The following UBXN7 variants were observed in gnomAD, a reference collection of about 807,000 sequenced individuals.
The protein encoded by UBXN7 is UBX domain-containing protein 7.
Under a neutral mutation model 58.0 loss-of-function variants are expected in UBXN7, and 9 were observed. The ratio of observed to expected loss-of-function variants is 0.16; its 90% CI spans 0.09 to 0.27. UBXN7 has a LOEUF of 0.27. Ranked by LOEUF, UBXN7 falls within the 10% of genes least tolerant of loss-of-function variation. The probability of loss-of-function intolerance (pLI) is 1.00; values close to 1 mark genes in which losing one functional copy is unlikely to be tolerated. For missense variants in UBXN7, 328 were observed against 599.6 expected, an observed-to-expected ratio of 0.55 and a Z score of 4.73; for synonymous variants, 208 against 205.0, an observed-to-expected ratio of 1.01 and a Z score of -0.12.
At chr3:196,385,937 G>T (rs192264183) in intron 5 of UBXN7, among the ~76,000 whole-genome samples, 2 of 152,322 alleles carry the variant, frequency 1.3e-5, no homozygotes, top group South Asian at 2.1e-4. Flanking sequence ...CGAATAGAAG[G>T]GGGGGAAATG....
intron 8 of UBXN7, among the ~76,000 whole-genome samples, chr3:196,367,378 G>A (rs1376848735): frequency 2.6e-5 from 4 of 152,058 alleles, no homozygotes; most frequent in African/African-American, 9.7e-5. Flanking sequence ...AAGTATAGAA[G>A]TAAATTCTAG....
At chr3:196,356,924 T>C in intron 10 of UBXN7, 78 bp from the exon 11 acceptor site, 3 of 1,500,214 alleles carry the variant, frequency 2.0e-6, no homozygotes, top group Non-Finnish European at 2.7e-6. Context: ...ATAGAAAACA[T>C]TCTCTTTTTA....
chr3:196,432,026 TC>T, intron 1 of UBXN7: 1 of 537,262 alleles, frequency 1.9e-6, no homozygotes, highest in Non-Finnish European at 3.4e-6. Context: ...CGCCCCCGGG[TC>T]CCCGGGCCGG....
chr3:196,368,384 A>T (rs899335758), intron 7 of UBXN7, among the ~76,000 whole-genome samples: 4 of 152,134 alleles, frequency 2.6e-5, no homozygotes, highest in Non-Finnish European at 4.4e-5. Context: ...ATTAAAAACC[A>T]GGATCTATAA....
At chr3:196,406,187 C>G (rs1438831156) in intron 2 of UBXN7, among the ~76,000 whole-genome samples, 2 of 152,050 alleles carry the variant, frequency 1.3e-5, no homozygotes, top group Non-Finnish European at 2.9e-5. Context: ...CGCGTACCAC[C>G]ACACCCGGCT....
intron 1 of UBXN7, among the ~76,000 whole-genome samples, chr3:196,413,253 G>A (rs1222839342): frequency 1.3e-5 from 2 of 152,052 alleles, no homozygotes; most frequent in South Asian, 2.1e-4. Context: ...GAGGAGAACC[G>A]CTTGAACCCA....
intron 3 of UBXN7, among the ~76,000 whole-genome samples, chr3:196,399,514 G>A (rs988002408): frequency 6.6e-6 from 1 of 152,060 alleles, no homozygotes; most frequent in African/African-American, 2.4e-5. Flanking sequence ...ATAGTTCACT[G>A]CAGCCTAGAA....
Position 196,388,154 on chromosome 3 carries a change from G to A in UBXN7, c.468+3659C>T, listed in dbSNP as rs1305114218. Among the ~76,000 whole-genome samples, 3 of 151,954 alleles carry A rather than the reference G, an allele frequency of 2.0e-5. No individual in the cohort carries two copies. In the East Asian group the frequency reaches 5.8e-4, roughly 29 times the overall value. On this transcript the variant is annotated intron_variant, in intron 5 of 10. Transcript: ENST00000296328. ...TCATGTCCTTTGCAGGGACATGGAT[G>A]AAGCTGGAAACCATCATTCTCAGCC...
At chr3:196,400,620 G>A (rs944369801) in intron 3 of UBXN7, 1 of 221,276 alleles carries the variant, frequency 4.5e-6, no homozygotes, top group Non-Finnish European at 9.4e-6. Context: ...CAGGCGTGGT[G>A]GCATGCACCT....
chr3:196,367,709 C>T (rs1728708903), intron 8 of UBXN7, among the ~76,000 whole-genome samples: 1 of 152,188 alleles, frequency 6.6e-6, no homozygotes, highest in Non-Finnish European at 1.5e-5. Context: ...GACACCTTTA[C>T]CACTAGGCTT....
intron 1 of UBXN7, among the ~76,000 whole-genome samples, chr3:196,411,609 C>T (rs1051328425): frequency 1.3e-5 from 2 of 152,110 alleles, no homozygotes; most frequent in Non-Finnish European, 2.9e-5. Context: ...GTCAGGAGTT[C>T]GAGTCCACCT....
intron 5 of UBXN7, among the ~76,000 whole-genome samples, chr3:196,388,221 C>G (rs1396220756): frequency 6.7e-6 from 1 of 150,084 alleles, no homozygotes. Context: ...CATGATCTCA[C>G]TCACAGGTGG....
At chr3:196,432,035 C>T in intron 1 of UBXN7, 1 of 552,892 alleles carries the variant, frequency 1.8e-6, no homozygotes, top group Non-Finnish European at 3.3e-6. Flanking sequence ...GTCCCCGGGC[C>T]GGCGGGGGCG....
intron 8 of UBXN7, among the ~76,000 whole-genome samples, chr3:196,363,713 G>A (rs1410493354): frequency 6.6e-6 from 1 of 152,162 alleles, no homozygotes. Context: ...CAGATCACCT[G>A]AGGTCAGGAG....
At position 196,362,391 on chromosome 3, in the gene UBXN7, T is replaced by C; in HGVS notation, c.1131A>G (p.Thr377=). The change falls in exon 9 of 11, where the codon ACA becomes ACG. Residue 377 remains threonine (T), a synonymous_variant. Transcript: ENST00000296328. ...CTGGCAATCCTTGGTGGTTTGTGGC[T>C]GTTCCAGGATCAGTTCTGACTGGTG... is the stretch of plus-strand genomic sequence containing the variant. The part of the protein sequence containing the change: ...TEPPVRTDPG[T]ATNHQGLPAV... 1 of 1,614,250 alleles carries C rather than the reference T, an allele frequency of 6.2e-7. No homozygotes were observed. The highest frequency in any genetic ancestry group is 8.5e-7 in the Non-Finnish European group (1 of 1,180,046).
chr3:196,382,554 T>C lies in UBXN7; in HGVS notation c.468+9259A>G, dbSNP rs527312541. Among the ~76,000 whole-genome samples, 6 of 152,280 alleles carry C rather than the reference T, an allele frequency of 3.9e-5. No individual in the cohort carries two copies. In the East Asian group the frequency reaches 5.8e-4, roughly 15 times the overall value. ...AAAACATGCCAAATTGTAAAGACCA[T>C]TGATGCTAGGAAGAAACTGCATCAA... On this transcript the variant is annotated intron_variant, in intron 5 of 10. Coordinates refer to ENST00000296328, the MANE Select transcript of UBXN7 (RefSeq NM_015562.2).
At chr3:196,427,901 C>T (rs2108628398) in intron 1 of UBXN7, among the ~76,000 whole-genome samples, 1 of 152,142 alleles carries the variant, frequency 6.6e-6, no homozygotes. Flanking sequence ...CTGAGGAGGG[C>T]AGATCACTTG....
Position 196,428,297 on chromosome 3 carries a change from C to A in UBXN7, c.73+4030G>T, listed in dbSNP as rs188675340. Among the ~76,000 whole-genome samples, 5 of 151,528 alleles carry A rather than the reference C, an allele frequency of 3.3e-5. No homozygotes were observed. The South Asian group carries it at 6.3e-4, about 19-fold the overall frequency. On this transcript the variant is annotated intron_variant, in intron 1 of 10. Coordinates refer to ENST00000296328, the MANE Select transcript of UBXN7 (RefSeq NM_015562.2). ...TAATGTTAAGTGAAAATTTCAGAAC[C>A]GTGTATTTTAGCTGGGCATGGTGGC...
intron 6 of UBXN7, among the ~76,000 whole-genome samples, chr3:196,370,888 G>C (rs1041470585): frequency 1.3e-4 from 19 of 150,928 alleles, no homozygotes; most frequent in African/African-American, 4.1e-4. Flanking sequence ...AATTATATGG[G>C]CATAGTGGTG....
Sources: allele counts gnomAD v4.1 joint callset (sites outside exome capture counted in the v4.1 genomes callset), GRCh38; gene constraint gnomAD v4.1.1; transcripts MANE v1.5; gene names NCBI Gene and HGNC (gene_info 2026-07-23, HGNC 2026-07-21).